The following TMEM183A variants were observed in gnomAD, a reference collection of about 807,000 sequenced individuals.
The protein encoded by TMEM183A is transmembrane protein 183A.
A neutral mutation model predicts 46.7 loss-of-function variants in TMEM183A; 21 were observed. The observed-to-expected ratio is 0.45, with a 90% CI of 0.32 to 0.65. The LOEUF (loss-of-function observed/expected upper bound fraction) is 0.65. Among genes scored for constraint, TMEM183A ranks in the 30% least tolerant of loss-of-function variants. TMEM183A has a pLI of 0.04. For missense variants in TMEM183A, 331 were observed against 481.9 expected, an observed-to-expected ratio of 0.69 and a Z score of 2.93; for synonymous variants, 165 against 180.2, an observed-to-expected ratio of 0.92 and a Z score of 0.68.
At chr1:203,014,820 G>C (rs1657005119) in intron 3 of TMEM183A, 69 bp from the exon 4 acceptor site, 13 of 1,577,558 alleles carry the variant, frequency 8.2e-6, no homozygotes, top group Non-Finnish European at 1.1e-5. Context: ...ATCCTTGGGA[G>C]AAATGAAATT....
chr1:203,020,257 A>C (rs1205551263), intron 6 of TMEM183A, among the ~76,000 whole-genome samples: 1 of 152,200 alleles, frequency 6.6e-6, no homozygotes, highest in Non-Finnish European at 1.5e-5. Flanking sequence ...TATCCATTAG[A>C]CACTGGTAGA....
rs773675579 is a variant in TMEM183A at position 203,020,838 on chromosome 1, G to A, written c.835G>A (p.Val279Ile). 1.7e-5 allele frequency: 28 copies of A among 1,613,824 alleles called. No homozygotes were observed. The highest frequency in any genetic ancestry group is 1.9e-5 in the Non-Finnish European group (23 of 1,179,958). ...GTGTACAGGAGGATTGCAGCCTCCC[G>A]TTCAGTACGAAGATGTTCATACCAA... Reference protein sequence around the residue: ...SKCTGGLQPPVQYEDVHTNPD... With the variant: ...SKCTGGLQPPIQYEDVHTNPD... The change falls in exon 7 of 8, where the codon GTT becomes ATT. Residue 279 changes from valine (V) to isoleucine (I), a missense_variant. Physicochemically the swap from Val to Ile is conservative, Grantham distance 29. Coordinates refer to ENST00000367242, the MANE Select transcript of TMEM183A (RefSeq NM_138391.6).
At position 203,014,869 on chromosome 1, in the gene TMEM183A, T is replaced by A. The variant is rs757485748; in HGVS notation, c.368-20T>A. ...AGATATGGTGTAGAAGATCAGAGATTATTCTTTTTTTTGTTTCAGAAGAAC... is the reference window on the plus strand; with the variant it reads ...AGATATGGTGTAGAAGATCAGAGATAATTCTTTTTTTTGTTTCAGAAGAAC... On this transcript the variant is annotated intron_variant, in intron 3 of 7. Transcript: ENST00000367242. 1.2e-6 allele frequency: 2 copies of A among 1,613,360 alleles called. No homozygotes were observed. Among genetic ancestry groups the A allele is most frequent in the South Asian group, 1.1e-5 (1 of 91,024 alleles).
At chr1:203,020,749 A>G (rs765844868) in intron 6 of TMEM183A, 44 bp from the exon 7 acceptor site, 11 of 1,612,194 alleles carry the variant, frequency 6.8e-6, no homozygotes, top group African/African-American at 2.7e-5. Context: ...AGAGCCATAT[A>G]ATGTTTCTTC....
chr1:203,015,208 T>C, intron 4 of TMEM183A, 160 bp downstream of exon 4: 2 of 1,014,800 alleles, frequency 2.0e-6, no homozygotes, highest in Non-Finnish European at 2.8e-6. Context: ...CTAATTTAAA[T>C]TTGATATTAT....
At position 203,007,427 on chromosome 1, in the gene TMEM183A, T is replaced by A. The variant is rs1415187013; in HGVS notation, c.-39T>A. ...GGATGGCCGCGGAGCCGGGCGGAGC[T>A]GGCTTGCGGCTCCCGGGGCCGGCTC... On this transcript the variant is annotated 5_prime_UTR_variant, in exon 1 of 8. Coordinates refer to ENST00000367242, the MANE Select transcript of TMEM183A (RefSeq NM_138391.6). The A allele has an allele frequency of 7.2e-7, 1 of 1,386,118 alleles. No homozygotes were observed. The highest frequency in any genetic ancestry group is 9.4e-7 in the Non-Finnish European group (1 of 1,069,064). The allele number at this position is 1,386,118 out of a possible 1,614,324, so 85.9% of individuals were successfully genotyped here.
intron 7 of TMEM183A, 74 bp from the exon 8 acceptor site, chr1:203,022,780 CT>C: frequency 1.3e-6 from 2 of 1,590,206 alleles, no homozygotes; most frequent in Non-Finnish European, 1.7e-6. Context: ...TTAGTCTGGA[CT>C]ATTTCATTTC....
At chr1:203,020,999 T>TC (rs1657624985) in intron 7 of TMEM183A, 51 bp downstream of exon 7, 5 of 1,416,890 alleles carry the variant, frequency 3.5e-6, no homozygotes, top group Non-Finnish European at 4.7e-6. Flanking sequence ...TTTTTTTTTT[T>TC]CATTCTGAAA....
chr1:203,015,692 A>C (rs947059578), intron 4 of TMEM183A: 16 of 421,308 alleles, frequency 3.8e-5, no homozygotes, highest in African/African-American at 3.0e-4. Context: ...GAGCAGCTAA[A>C]GCATAATATA....
At chr1:203,016,335 A>T (rs1017297880) in intron 5 of TMEM183A, 195 bp downstream of exon 5, 2 of 698,654 alleles carry the variant, frequency 2.9e-6, no homozygotes, top group Non-Finnish European at 4.7e-6. Context: ...ATCTTACCTT[A>T]AAGCTTTCTG....
At chr1:203,016,845 TTC>T (rs968511445) in intron 5 of TMEM183A, among the ~76,000 whole-genome samples, 1 of 152,210 alleles carries the variant, frequency 6.6e-6, no homozygotes, top group Non-Finnish European at 1.5e-5. Flanking sequence ...CTTTGGTCCA[TTC>T]TCTCTTTTTC....
chr1:203,021,959 A>G (rs923910835), intron 7 of TMEM183A, among the ~76,000 whole-genome samples: 1 of 152,226 alleles, frequency 6.6e-6, no homozygotes, highest in African/African-American at 2.4e-5. Flanking sequence ...CTATCCTGTA[A>G]CTGCAATTAA....
chr1:203,008,430 G>A (rs932104409), intron 2 of TMEM183A, among the ~76,000 whole-genome samples: 1 of 147,482 alleles, frequency 6.8e-6, no homozygotes, highest in Non-Finnish European at 1.5e-5. Flanking sequence ...TGCAACTTTG[G>A]AGTCAGTTTG....
In TMEM183A at chr1:203,007,765, G is replaced by A; in HGVS notation, c.110-9G>A. ...GGCCTCTTCCTTGAGGGTTGGTGCT[G>A]TGTTGCAGTGACCGTGGCGGATTAC... On this transcript the variant is annotated splice_polypyrimidine_tract_variant and intron_variant, in intron 1 of 7. Coordinates refer to ENST00000367242, the MANE Select transcript of TMEM183A (RefSeq NM_138391.6). The A allele has an allele frequency of 1.9e-6, 3 of 1,614,030 alleles. No homozygotes were observed. The highest frequency in any genetic ancestry group is 2.2e-5 in the South Asian group (2 of 91,078).
At chr1:203,018,374 T>G in intron 5 of TMEM183A, 107 bp from the exon 6 acceptor site, 1 of 1,314,606 alleles carries the variant, frequency 7.6e-7, no homozygotes. Flanking sequence ...GTGGCTGGCT[T>G]TAGAGCTGTC....
chr1:203,020,718 G>T lies in TMEM183A; in HGVS notation c.790-75G>T, dbSNP rs529379717. ...CTCACTAGCTTTAGTTGAGCCATAG[G>T]ATTTTCTTTGGTGGACTCTTAGAGC... is the stretch of plus-strand genomic sequence containing the variant. On this transcript the variant is annotated intron_variant, in intron 6 of 7. Transcript: ENST00000367242. The T allele has an allele frequency of 4.4e-4, 698 of 1,581,058 alleles. 1 individual carries two copies. The highest frequency in any genetic ancestry group is 5.8e-4 in the Non-Finnish European group (676 of 1,157,734).
chr1:203,007,885 A>AT (rs1558033801), intron 2 of TMEM183A, 22 bp downstream of exon 2: 1 of 1,613,730 alleles, frequency 6.2e-7, no homozygotes, highest in Non-Finnish European at 8.5e-7. Context: ...GCGAGCCTTT[A>AT]AAGACTCATG....
Position 203,013,508 on chromosome 1 carries a change from A to G in TMEM183A, c.368-1381A>G, listed in dbSNP as rs1656868835. Among the ~76,000 whole-genome samples the G allele has an allele frequency of 1.3e-5, 2 of 151,950 alleles. No homozygotes were observed. Among genetic ancestry groups the G allele is most frequent in the East Asian group, 3.9e-4 (2 of 5,176 alleles). ...AATGAGTTCTGAAGAAGGAAGAGAT[A>G]GGGACACTTTTTTTTTTTTTTGAGA... On this transcript the variant is annotated intron_variant, in intron 3 of 7. Transcript: ENST00000367242. The surrounding 1 kb of genome is among the most constrained non-coding windows in gnomAD (Gnocchi z 4.0).
At chr1:203,009,329 GA>G (rs1388561739) in intron 3 of TMEM183A, among the ~76,000 whole-genome samples, 4 of 152,176 alleles carry the variant, frequency 2.6e-5, no homozygotes, top group Admixed American at 6.6e-5. Context: ...AAAAGTAGGT[GA>G]TTTTTTTATA....
Sources: gnomAD v4.1 joint callset for allele counts (sites outside exome capture counted in the v4.1 genomes callset) on GRCh38, gnomAD v4.1.1 for gene constraint, Gnocchi (gnomAD v3.1) non-coding constraint, MANE v1.5 for transcripts, NCBI Gene and HGNC (gene_info 2026-07-23, HGNC 2026-07-21) for gene names.